Variants in ZMIZ1 observed in about 807,000 individuals in gnomAD.
ZMIZ1 encodes zinc finger MIZ-type containing 1.
A neutral mutation model predicts 113.9 loss-of-function variants in ZMIZ1; 17 were observed. The ratio of observed to expected loss-of-function variants is 0.15; its 90% CI spans 0.10 to 0.22. The LOEUF is 0.22. Ranked by LOEUF, ZMIZ1 falls within the 10% of genes least tolerant of loss-of-function variation. The pLI, the probability that ZMIZ1 is intolerant of heterozygous loss-of-function variation, is 1.00. For missense variants in ZMIZ1, 1,059 were observed against 1,477.8 expected (o/e 0.72, Z 4.65); for synonymous variants, 607 against 603.1 (o/e 1.01, Z -0.09).
intron 1 of ZMIZ1, among the ~76,000 whole-genome samples, chr10:79,107,941 T>C (rs1188926473): frequency 6.6e-6 from 1 of 152,150 alleles, no homozygotes; most frequent in Non-Finnish European, 1.5e-5. Flanking sequence ...TTGTTCATCG[T>C]CTGGTAAGCC....
At position 79,297,661 on chromosome 10, in the gene ZMIZ1, A is replaced by G. The variant is rs201288265; in HGVS notation, c.1462A>G (p.Ser488Gly). 370 of 1,614,048 alleles carry G rather than the reference A, an allele frequency of 2.3e-4. No homozygotes were observed. Among genetic ancestry groups the G allele is most frequent in the Non-Finnish European group, 2.8e-4 (331 of 1,180,000 alleles). ...TAACACGTTCTCGGGAAGCAGCTAC[A>G]GTAACTACAGCCAAGGGAATGTCAA... ...QNNTFSGSSY[S>G]NYSQGNVNRP... is the part of the protein sequence containing the mutation. Residue 488 changes from serine (S) to glycine (G), a missense_variant, in exon 14 of 25, where the codon AGT (serine) becomes GGT (glycine). Coordinates refer to ENST00000334512, the MANE Select transcript of ZMIZ1 (RefSeq NM_020338.4).
intron 7 of ZMIZ1, among the ~76,000 whole-genome samples, chr10:79,244,123 C>G (rs1164669109): frequency 6.6e-6 from 1 of 152,252 alleles, no homozygotes. Context: ...TGAGGGTCCT[C>G]GACTTCAAGC....
In ZMIZ1 at chr10:79,100,439, A is replaced by G. The variant is rs1271324534; in HGVS notation, c.-336-18476A>G. The stretch of plus-strand genomic sequence containing the variant: ...TGGGCAACATAGACACCATCTCTGA[A>G]AAAAAAAAAAAAAAAAGAGGGCAGG... On this transcript the variant is annotated intron_variant, in intron 1 of 24. Transcript: ENST00000334512. 1.5e-3 allele frequency among the ~76,000 whole-genome samples: 217 copies of G among 143,334 alleles called. 3 individuals carry two copies. Among genetic ancestry groups the G allele is most frequent in the East Asian group, 6.9e-3 (34 of 4,894 alleles). 94.0% of individuals were successfully genotyped at this position (143,334 alleles called of 152,430 possible).
intron 3 of ZMIZ1, among the ~76,000 whole-genome samples, chr10:79,157,629 G>A (rs1191040543): frequency 6.6e-6 from 1 of 152,130 alleles, no homozygotes; most frequent in African/African-American, 2.4e-5. Flanking sequence ...TCTGGCCCGT[G>A]GGCCTTGGCC....
intron 14 of ZMIZ1, among the ~76,000 whole-genome samples, chr10:79,298,201 C>G (rs1341883564): frequency 2.0e-5 from 3 of 152,108 alleles, no homozygotes; most frequent in Admixed American, 6.5e-5. Flanking sequence ...TGGTGAGACC[C>G]AGATGAAGGG....
intron 1 of ZMIZ1, among the ~76,000 whole-genome samples, chr10:79,095,575 C>A (rs1271790073): frequency 1.3e-5 from 2 of 152,226 alleles, no homozygotes; most frequent in Non-Finnish European, 2.9e-5. Context: ...TCTTACCTGA[C>A]TGCTCTGAGT....
rs372313443 is a variant in ZMIZ1, at chr10:79,118,698, C to T, written c.-336-217C>T. ...TGGCTTTCAGGGCTGCGGGGCTGCT[C>T]GGCCGGTGCTGGGGCTTCGAATGTG... On this transcript the variant is annotated intron_variant, in intron 1 of 24. Coordinates refer to ENST00000334512, the MANE Select transcript of ZMIZ1 (RefSeq NM_020338.4). The surrounding 1 kb of genome is among the most constrained non-coding windows in gnomAD (Gnocchi z 4.1). 9.9e-4 allele frequency among the ~76,000 whole-genome samples: 151 copies of T among 152,280 alleles called. No individual in the cohort carries two copies. The highest frequency in any genetic ancestry group is 1.8e-3 in the Non-Finnish European group (121 of 68,022).
chr10:79,263,525 T>A (rs191209375), intron 7 of ZMIZ1, among the ~76,000 whole-genome samples: 1 of 152,250 alleles, frequency 6.6e-6, no homozygotes, highest in African/African-American at 2.4e-5. Flanking sequence ...GGAAGATTTG[T>A]GGGTGTTTTC....
chr10:79,071,902 G>C (rs1589239096), intron 1 of ZMIZ1, among the ~76,000 whole-genome samples: 2 of 136,298 alleles, frequency 1.5e-5, no homozygotes, highest in African/African-American at 2.7e-5. Context: ...ACGAGGTTTT[G>C]AAACGCTGTT....
intron 7 of ZMIZ1, among the ~76,000 whole-genome samples, chr10:79,266,501 T>G (rs1388186160): frequency 6.6e-6 from 1 of 152,202 alleles, no homozygotes; most frequent in Non-Finnish European, 1.5e-5. Flanking sequence ...ACCAAAAGGT[T>G]GTGTGCTCCC....
chr10:79,277,460 T>C (rs1423569766), intron 8 of ZMIZ1, 135 bp downstream of exon 8: 1 of 1,179,336 alleles, frequency 8.5e-7, no homozygotes, highest in African/African-American at 1.6e-5. Flanking sequence ...GCAGTTGTTT[T>C]TTTACATCTT....
intron 6 of ZMIZ1, among the ~76,000 whole-genome samples, chr10:79,211,249 G>A (rs909083495): frequency 2.0e-5 from 3 of 152,180 alleles, no homozygotes; most frequent in Non-Finnish European, 2.9e-5. Context: ...GCCACTGGGA[G>A]CAGGAGCAGC....
chr10:79,258,264 G>T (rs925910035), intron 7 of ZMIZ1, among the ~76,000 whole-genome samples: 1 of 152,148 alleles, frequency 6.6e-6, no homozygotes, highest in Non-Finnish European at 1.5e-5. Context: ...CACGCCTGTA[G>T]TCCCAGCTAC....
intron 8 of ZMIZ1, among the ~76,000 whole-genome samples, chr10:79,288,952 T>A (rs1853278806): frequency 6.6e-6 from 1 of 151,986 alleles, no homozygotes; most frequent in Non-Finnish European, 1.5e-5. Context: ...TGGTCCGGGT[T>A]GGTAGAGAGG....
chr10:79,253,700 C>T (rs1280578346), intron 7 of ZMIZ1, among the ~76,000 whole-genome samples: 2 of 152,168 alleles, frequency 1.3e-5, no homozygotes, highest in African/African-American at 4.8e-5. Context: ...TGCCTGGCAG[C>T]GCCCTGGGGA....
chr10:79,201,817 G>A (rs113003860), intron 5 of ZMIZ1, 125 bp downstream of exon 5: 718 of 1,028,602 alleles, frequency 7.0e-4, no homozygotes, highest in Non-Finnish European at 8.9e-4. Context: ...TATCGAGGCC[G>A]TTATTGGCAT....
chr10:79,310,558 G>T (rs1399308436), intron 23 of ZMIZ1, among the ~76,000 whole-genome samples: 2 of 152,066 alleles, frequency 1.3e-5, no homozygotes, highest in Non-Finnish European at 2.9e-5. Context: ...CCCGGAACAT[G>T]CCCATTCTGC....
intron 1 of ZMIZ1, among the ~76,000 whole-genome samples, chr10:79,092,673 TC>T (rs1252868986): frequency 1.3e-5 from 2 of 152,164 alleles, no homozygotes; most frequent in African/African-American, 4.8e-5. Context: ...TCTTTGCACT[TC>T]CTGCCCACTC....
At chr10:79,125,227 C>G in intron 2 of ZMIZ1, among the ~76,000 whole-genome samples, 1 of 152,236 alleles carries the variant, frequency 6.6e-6, no homozygotes, top group East Asian at 1.9e-4. Context: ...CACACCTCCC[C>G]CAACCCCATC....
Sources: allele counts gnomAD v4.1 joint callset (sites outside exome capture counted in the v4.1 genomes callset), GRCh38; gene constraint gnomAD v4.1.1; non-coding constraint Gnocchi (gnomAD v3.1); transcripts MANE v1.5; gene names NCBI Gene and HGNC (gene_info 2026-07-23, HGNC 2026-07-21).